The following PIEZO1 variants were observed in gnomAD, a reference collection of about 807,000 sequenced individuals.
PIEZO1 encodes piezo-type mechanosensitive ion channel component 1.
Under a neutral mutation model 297.2 loss-of-function variants are expected in PIEZO1, and 296 were observed. That is an observed-to-expected ratio of 1.00 (90% CI 0.91 to 1.10). The LOEUF is 1.10. Ranked by LOEUF, PIEZO1 falls within the 50% of genes least tolerant of loss-of-function variation. The pLI is 0.00. For missense variants in PIEZO1, 5,018 were observed against 3,455.5 expected, an observed-to-expected ratio of 1.45 and a Z score of -11.34; for synonymous variants, 2,427 against 1,507.5, an observed-to-expected ratio of 1.61 and a Z score of -14.13.
chr16:88,724,011 G>A, intron 30 of PIEZO1, 40 bp from the exon 31 acceptor site: 1 of 1,257,134 alleles, frequency 8.0e-7, no homozygotes, highest in Non-Finnish European at 1.1e-6. Flanking sequence ...TTCCATGCAG[G>A]GAGACTCCCA....
At chr16:88,766,304 G>A (rs1280845474) in intron 1 of PIEZO1, among the ~76,000 whole-genome samples, 2 of 152,218 alleles carry the variant, frequency 1.3e-5, no homozygotes, top group Non-Finnish European at 2.9e-5. Flanking sequence ...CCACAGAGAA[G>A]CCCGGCCTGA....
In PIEZO1 at chr16:88,733,688, G is replaced by C. The variant is rs968995369; in HGVS notation, c.2387C>G (p.Ser796Trp). 3 of 1,549,022 alleles carry C rather than the reference G, an allele frequency of 1.9e-6. No homozygotes were observed. Among genetic ancestry groups the C allele is most frequent in the African/African-American group, 1.4e-5 (1 of 72,992 alleles). ...ERLLELAAGF[S>W]DVLSRVQVFL... The stretch of plus-strand genomic sequence containing the variant: ...CACCTGCACGCGTGAGAGGACGTCC[G>C]AGAAGCCGGCTGCCAGCTCCAGCAG... The change falls in exon 18 of 51, where the codon TCG becomes TGG. Residue 796 changes from serine (S) to tryptophan (W), a missense_variant. Coordinates refer to ENST00000301015, the MANE Select transcript of PIEZO1 (RefSeq NM_001142864.4).
rs1212238369 is a variant in PIEZO1, at chr16:88,742,113, G to T, written c.284-18C>A. 1 of 1,535,782 alleles carries T rather than the reference G, an allele frequency of 6.5e-7. No homozygotes were observed. Among genetic ancestry groups the T allele is most frequent in the Admixed American group, 2.0e-5 (1 of 50,976 alleles). On this transcript the variant is annotated intron_variant, in intron 3 of 50. Transcript: ENST00000301015. ...GCGGCTGCCTGCAGAGAAAGACGGG[G>T]GAACCCAGGTCAGGCTCTGCCCAGC... is the stretch of plus-strand genomic sequence containing the variant.
chr16:88,742,172 C>T lies in PIEZO1; in HGVS notation c.284-77G>A, dbSNP rs1905722077. 2.6e-6 allele frequency: 4 copies of T among 1,518,124 alleles called. No homozygotes were observed. The African/African-American group carries it at 5.5e-5, about 21-fold the overall frequency. 94.0% of individuals were successfully genotyped at this position (1,518,124 alleles called of 1,614,324 possible). ...TGGCCTGGTCATCCCTGGAGCGTTT[C>T]ACCTGGACCATCCAGGCCAGACATA... is the stretch of plus-strand genomic sequence containing the variant. On this transcript the variant is annotated intron_variant, in intron 3 of 50. Coordinates refer to ENST00000301015, the MANE Select transcript of PIEZO1 (RefSeq NM_001142864.4).
chr16:88,771,736 C>A (rs1424739638), intron 1 of PIEZO1, among the ~76,000 whole-genome samples: 1 of 151,934 alleles, frequency 6.6e-6, no homozygotes, highest in Non-Finnish European at 1.5e-5. Flanking sequence ...CCCGCGGCCC[C>A]AGGCCCTCCT....
At chr16:88,720,025 C>A in intron 42 of PIEZO1, 44 bp downstream of exon 42, 1 of 1,549,170 alleles carries the variant, frequency 6.5e-7, no homozygotes, top group Non-Finnish European at 8.7e-7. Context: ...CCAGCCTGCA[C>A]TGCCCCGCCC....
rs1395784125 is a variant in PIEZO1, at chr16:88,741,464, G to A, written c.465+14C>T. On this transcript the variant is annotated intron_variant, in intron 5 of 50. Coordinates refer to ENST00000301015, the MANE Select transcript of PIEZO1 (RefSeq NM_001142864.4). ...ATGACCTCCCTGACACACGGGTGAC[G>A]CAGCTGCCCTCACCAGCTCCCGTGG... 1.2e-5 allele frequency: 19 copies of A among 1,528,022 alleles called. No individual in the cohort carries two copies. The highest frequency in any genetic ancestry group is 1.0e-4 in the Admixed American group (5 of 49,406). The allele number at this position is 1,528,022 out of a possible 1,614,324, so 94.7% of individuals were successfully genotyped here. A position where few individuals can be genotyped will look rare whatever the true frequency, so the allele number is the denominator to read the frequency against.
At position 88,719,943 on chromosome 16, in the gene PIEZO1, A is replaced by G. The variant is rs1364295345; in HGVS notation, c.6182T>C (p.Val2061Ala). 5.2e-6 allele frequency: 8 copies of G among 1,550,210 alleles called. No individual in the cohort carries two copies. In the Admixed American group the frequency reaches 1.6e-4, roughly 30 times the overall value. ...CACGAAGTACCAGAGCTGGGCCACC[A>G]CATTCTGGTTGAACATCCTGGGGCG... ...AVTERMFNQN[V>A]VAQLWYFVKC... The change falls in exon 43 of 51, where the codon GTG becomes GCG. Residue 2061 changes from valine (V) to alanine (A), a missense_variant. Coordinates refer to ENST00000301015, the MANE Select transcript of PIEZO1 (RefSeq NM_001142864.4).
chr16:88,716,406 C>T lies in PIEZO1; in HGVS notation c.7004G>A (p.Arg2335Gln), dbSNP rs1448474446. 15 of 1,549,148 alleles carry T rather than the reference C, an allele frequency of 9.7e-6. No individual in the cohort carries two copies. Among genetic ancestry groups the T allele is most frequent in the East Asian group, 4.9e-5 (2 of 40,902 alleles). Residue 2335 changes from arginine (R) to glutamine (Q), a missense_variant, in exon 48 of 51, where the codon CGG becomes CAG. Physicochemically the swap from Arg to Gln is conservative, Grantham distance 43 (BLOSUM62 1). Coordinates refer to ENST00000301015, the MANE Select transcript of PIEZO1 (RefSeq NM_001142864.4). ...CTCGAGCAGGCTGGCCAGCTGCCGCCGTGCAGTGCTGTTGGGGGCCAGGGC... is the reference window on the plus strand; with the variant it reads ...CTCGAGCAGGCTGGCCAGCTGCCGCTGTGCAGTGCTGTTGGGGGCCAGGGC... ...MLALAPNSTA[R>Q]RQLASLLEGT... is the part of the protein sequence containing the mutation.
In PIEZO1 at chr16:88,715,366, A is replaced by AGTTTT; in HGVS notation, c.*238_*239insAAAAC. The AGTTTT allele has an allele frequency of 8.3e-7, 1 of 1,208,246 alleles. No homozygotes were observed. Among genetic ancestry groups the AGTTTT allele is most frequent in the Non-Finnish European group, 1.1e-6 (1 of 879,548 alleles). The allele number at this position is 1,208,246 out of a possible 1,614,324, so 74.8% of individuals were successfully genotyped here. On this transcript the variant is annotated 3_prime_UTR_variant, in exon 51 of 51. Coordinates refer to ENST00000301015, the MANE Select transcript of PIEZO1 (RefSeq NM_001142864.4). Reference sequence around the variant, plus strand: ...GATTGTCCATTTGTATAAATAAAACATTTTTTAATTAAAAAAAAAACTCTA... The same window carrying AGTTTT: ...GATTGTCCATTTGTATAAATAAAACAGTTTTTTTTTTAATTAAAAAAAAAACTCTA...
intron 2 of PIEZO1, among the ~76,000 whole-genome samples, chr16:88,746,139 A>T (rs553154326): frequency 2.6e-5 from 4 of 152,280 alleles, no homozygotes; most frequent in Non-Finnish European, 1.5e-5. Context: ...CATGAGGCCC[A>T]CCCAGCGACA....
Position 88,742,430 on chromosome 16 carries a change from A to G in PIEZO1, c.161-8T>C, listed in dbSNP as rs1274954277. The stretch of plus-strand genomic sequence containing the variant: ...GGAGGCGGCCTGTGTGACCTGCGGC[A>G]GAGCGAGTGGGTGAGGCTGGTCCCG... On this transcript the variant is annotated splice_polypyrimidine_tract_variant and splice_region_variant and intron_variant, in intron 2 of 50. Coordinates refer to ENST00000301015, the MANE Select transcript of PIEZO1 (RefSeq NM_001142864.4). The G allele has an allele frequency of 2.0e-6, 3 of 1,534,152 alleles. No individual in the cohort carries two copies. The highest frequency in any genetic ancestry group is 2.0e-5 in the Admixed American group (1 of 50,840).
At chr16:88,737,038 G>A in intron 10 of PIEZO1, 1 of 320,044 alleles carries the variant, frequency 3.1e-6, no homozygotes, top group Non-Finnish European at 5.7e-6. Flanking sequence ...CCCACCCCAG[G>A]GCCGTGGCTT....
chr16:88,725,044 CT>C lies in PIEZO1; in HGVS notation c.4198del (p.Arg1400GlyfsTer53). 1 of 1,500,432 alleles carries C rather than the reference CT, an allele frequency of 6.7e-7. No homozygotes were observed. The highest frequency in any genetic ancestry group is 8.9e-7 in the Non-Finnish European group (1 of 1,127,380). 92.9% of individuals were successfully genotyped at this position (1,500,432 alleles called of 1,614,324 possible). On this transcript the variant is annotated frameshift_variant, in exon 30 of 51. Transcript: ENST00000301015. LOFTEE classifies it high-confidence loss of function. ...GTCCAGCCAGGGCCGCCACCACTGC[CT>C]CCGTGGCGGGGAGGAGCCCCCTGGA... is the stretch of plus-strand genomic sequence containing the variant. ...DSPGGSSPPR[R>X]QWWRPWLDHA...
intron 8 of PIEZO1, 56 bp downstream of exon 8, chr16:88,737,878 G>C (rs906657885): frequency 2.0e-6 from 3 of 1,532,928 alleles, no homozygotes; most frequent in Non-Finnish European, 2.6e-6. Context: ...AGGAGGTCCT[G>C]AGACCAGCCC....
chr16:88,725,474 C>CCGG lies in PIEZO1; in HGVS notation c.4101_4103dup (p.Arg1368dup). On this transcript the variant is annotated inframe_insertion, in exon 29 of 51. Transcript: ENST00000301015. ...TGTCCTGGGGGCGACTGCGGTCCAC[C>CCGG]CGGCCCTGCCTGTGCTTCTCCTGCT... 1 of 1,520,052 alleles carries CCGG rather than the reference C, an allele frequency of 6.6e-7. No individual in the cohort carries two copies. Among genetic ancestry groups the CCGG allele is most frequent in the Non-Finnish European group, 8.9e-7 (1 of 1,129,838 alleles). 94.2% of individuals were successfully genotyped at this position (1,520,052 alleles called of 1,614,324 possible). A position where few individuals can be genotyped will look rare whatever the true frequency, so the allele number is the denominator to read the frequency against.
In PIEZO1 at chr16:88,733,568, G is replaced by C; in HGVS notation, c.2487+20C>G. The C allele has an allele frequency of 1.3e-6, 2 of 1,531,150 alleles. No individual in the cohort carries two copies. The highest frequency in any genetic ancestry group is 1.8e-6 in the Non-Finnish European group (2 of 1,133,158). The allele number at this position is 1,531,150 out of a possible 1,614,324, so 94.8% of individuals were successfully genotyped here. ...GCGACCCCACCCCAGATGGGAAGCT[G>C]AGTTGCCTGCCACACTCACCTCCTT... On this transcript the variant is annotated intron_variant, in intron 18 of 50. Coordinates refer to ENST00000301015, the MANE Select transcript of PIEZO1 (RefSeq NM_001142864.4).
chr16:88,755,497 C>T (rs941632298), intron 1 of PIEZO1, among the ~76,000 whole-genome samples: 4 of 152,238 alleles, frequency 2.6e-5, no homozygotes, highest in South Asian at 2.1e-4. Context: ...TCCCAGGGCA[C>T]GATACGAGCC....
Position 88,720,424 on chromosome 16 carries a change from G to A in PIEZO1, c.5910C>T (p.Val1970=), listed in dbSNP as rs368534895. 9.3e-5 allele frequency: 144 copies of A among 1,550,410 alleles called. No homozygotes were observed. Among genetic ancestry groups the A allele is most frequent in the Admixed American group, 3.9e-4 (20 of 51,000 alleles). The change falls in exon 41 of 51, where the codon GTC becomes GTT. Residue 1970 remains valine, a synonymous_variant. Transcript: ENST00000301015. ...AGCCAAAAATGATGATGATGAAGTC[G>A]ACAACATCAGCCAGGAACATGAGGG... ...VYALMFLADV[V]DFIIIIFGFW...
Sources: gnomAD v4.1 joint callset for allele counts (sites outside exome capture counted in the v4.1 genomes callset) on GRCh38, gnomAD v4.1.1 for gene constraint, MANE v1.5 for transcripts, NCBI Gene and HGNC (gene_info 2026-07-23, HGNC 2026-07-21) for gene names.